Variants in ARGFX observed in about 807,000 individuals in gnomAD.
ARGFX encodes arginine-fifty homeobox.
In ARGFX, 10 loss-of-function variants were observed where a neutral mutation model predicts 8.0. The ratio of observed to expected loss-of-function variants is 1.25; its 90% CI spans 0.77 to 2.12. The LOEUF is 2.12. Among genes scored for constraint, ARGFX ranks in the 30% most tolerant of loss-of-function variants. The pLI, the probability that ARGFX is intolerant of heterozygous loss-of-function variation, is 0.00. For missense variants in ARGFX, 282 were observed against 324.3 expected (o/e 0.87, Z 1.00); for synonymous variants, 116 against 117.8 (o/e 0.98, Z 0.10).
At chr3:121,568,765 G>A (rs1365968938) in intron 1 of ARGFX, among the ~76,000 whole-genome samples, 1 of 152,200 alleles carries the variant, frequency 6.6e-6, no homozygotes, top group Non-Finnish European at 1.5e-5. Context: ...ATGTCTGACG[G>A]TATCCTAATG....
At chr3:121,577,259 A>ATATATTTTTTTTT (rs1403064031) in intron 3 of ARGFX, among the ~76,000 whole-genome samples, 1 of 59,622 alleles carries the variant, frequency 1.7e-5, no homozygotes, top group African/African-American at 6.2e-5. Context: ...ATATATATAT[A>ATATATTTTTTTTT]TTTTTTTTTT....
chr3:121,586,340 A>G lies in ARGFX; in HGVS notation c.688A>G (p.Ile230Val). The G allele has an allele frequency of 6.2e-7, 1 of 1,614,158 alleles. No homozygotes were observed. Among genetic ancestry groups the G allele is most frequent in the Non-Finnish European group, 8.5e-7 (1 of 1,180,026 alleles). Residue 230 changes from isoleucine to valine, a missense_variant, in exon 5 of 5, where the codon ATC becomes GTC. Transcript: ENST00000334384. ...LYSDAYDIFQ[I>V]IELYNLPDEN... is the part of the protein sequence containing the mutation. ...CTCTGATGCCTATGACATATTCCAAATCATAGAACTGTACAATCTTCCTGA... is the reference window on the plus strand; with the variant it reads ...CTCTGATGCCTATGACATATTCCAAGTCATAGAACTGTACAATCTTCCTGA...
intron 2 of ARGFX, among the ~76,000 whole-genome samples, chr3:121,575,378 G>C (rs1320064275): frequency 6.6e-6 from 1 of 151,984 alleles, no homozygotes; most frequent in African/African-American, 2.4e-5. Flanking sequence ...TCTGATCTTG[G>C]CTGGCATCTC....
chr3:121,584,982 CT>C lies in ARGFX; in HGVS notation c.287del (p.Leu96ArgfsTer16), dbSNP rs772298833. ...CCAACAGTATGAGGAGCTAGAAGCT[CT>C]GTTTAGCCAGACCATGTTCCCAGAT... ...THQQYEELEA[L>X]FSQTMFPDRN... On this transcript the variant is annotated frameshift_variant, in exon 4 of 5. Transcript: ENST00000334384. LOFTEE classifies it high-confidence loss of function. 3.3e-5 allele frequency: 53 copies of C among 1,613,898 alleles called. 1 individual carries two copies. In the South Asian group the frequency reaches 5.7e-4, roughly 17 times the overall value.
chr3:121,571,232 G>C (rs2046341329), intron 2 of ARGFX, among the ~76,000 whole-genome samples: 1 of 152,064 alleles, frequency 6.6e-6, no homozygotes, highest in Admixed American at 6.6e-5. Context: ...ATATAAGGTG[G>C]ATCTTAGTGA....
intron 3 of ARGFX, among the ~76,000 whole-genome samples, chr3:121,584,176 T>C (rs1481395974): frequency 7.7e-6 from 1 of 129,516 alleles, no homozygotes; most frequent in East Asian, 2.2e-4. Flanking sequence ...AGACCCCGTC[T>C]CTAAAAAAAG....
At chr3:121,581,896 A>C (rs2048782596) in intron 3 of ARGFX, among the ~76,000 whole-genome samples, 1 of 152,036 alleles carries the variant, frequency 6.6e-6, no homozygotes, top group African/African-American at 2.4e-5. Flanking sequence ...CTGGTGAGGG[A>C]GACTCTGTAA....
chr3:121,587,488 G>A lies in ARGFX; in HGVS notation c.*888G>A, dbSNP rs769735766. ...CAGGAGTGCACCATCGCACCCGGCT[G>A]GGTTATCTAGTTTAAAAACACTTTT... On this transcript the variant is annotated 3_prime_UTR_variant, in exon 5 of 5. Coordinates refer to ENST00000334384, the MANE Select transcript of ARGFX (RefSeq NM_001012659.2). Among the ~76,000 whole-genome samples, 1 of 152,118 alleles carries A rather than the reference G, an allele frequency of 6.6e-6. No individual in the cohort carries two copies. The highest frequency in any genetic ancestry group is 1.5e-5 in the Non-Finnish European group (1 of 68,020).
chr3:121,572,355 C>T (rs61796956), intron 2 of ARGFX, among the ~76,000 whole-genome samples: 19,499 of 151,302 alleles, frequency 0.13, 1,331 homozygotes, highest in African/African-American at 0.14. Context: ...GATTCTCCTG[C>T]CTCAGCCTCC....
intron 3 of ARGFX, among the ~76,000 whole-genome samples, chr3:121,581,212 C>T (rs1166884975): frequency 1.3e-5 from 2 of 152,144 alleles, no homozygotes; most frequent in Non-Finnish European, 2.9e-5. Flanking sequence ...AAGTGGTCTG[C>T]CCAAAGTGCT....
In ARGFX at chr3:121,570,815, CAGTG is replaced by C. The variant is rs1351355743; in HGVS notation, c.103+3_103+6del. 2 of 1,589,398 alleles carry C rather than the reference CAGTG, an allele frequency of 1.3e-6. No individual in the cohort carries two copies. The highest frequency in any genetic ancestry group is 2.3e-5 in the South Asian group (2 of 87,022). On this transcript the variant is annotated splice_donor_variant and splice_donor_region_variant and coding_sequence_variant and intron_variant, in exon 2 of 5. Transcript: ENST00000334384. LOFTEE classifies it high-confidence loss of function. ...TACCACCACAGGATCCAGCTAGTCC[CAGTG>C]AGTATCATCCTTCTTTGTCCTCTTT...
chr3:121,570,681 C>T (rs1478228096), intron 1 of ARGFX, 21 bp from the exon 2 acceptor site: 1 of 1,508,268 alleles, frequency 6.6e-7, no homozygotes, highest in East Asian at 2.3e-5. Context: ...CATTCCCTAT[C>T]TCATAGGCCT....
intron 2 of ARGFX, among the ~76,000 whole-genome samples, chr3:121,574,861 G>A (rs773343956): frequency 2.4e-4 from 37 of 152,212 alleles, no homozygotes; most frequent in Admixed American, 7.2e-4. Context: ...CAGCAGAATG[G>A]TAATGTGGAA....
chr3:121,584,408 G>T (rs1429229426), intron 3 of ARGFX, among the ~76,000 whole-genome samples: 1 of 152,064 alleles, frequency 6.6e-6, no homozygotes, highest in African/African-American at 2.4e-5. Flanking sequence ...AAGACATGGG[G>T]TTTATTCCTA....
At chr3:121,575,884 G>C (rs1392393835) in intron 2 of ARGFX, among the ~76,000 whole-genome samples, 1 of 151,234 alleles carries the variant, frequency 6.6e-6, no homozygotes, top group Non-Finnish European at 1.5e-5. Flanking sequence ...TTGCACTCTA[G>C]CCTGGGTGTT....
intron 1 of ARGFX, among the ~76,000 whole-genome samples, chr3:121,568,736 A>G (rs1467945495): frequency 6.6e-6 from 1 of 152,230 alleles, no homozygotes; most frequent in East Asian, 1.9e-4. Context: ...CACATGAATC[A>G]TGTATATGAA....
chr3:121,585,965 C>T (rs924250735), intron 4 of ARGFX, 57 bp from the exon 5 acceptor site: 3 of 1,469,476 alleles, frequency 2.0e-6, no homozygotes, highest in African/African-American at 2.8e-5. Context: ...TCAGGAGAAT[C>T]CTCCAATGCC....
intron 3 of ARGFX, among the ~76,000 whole-genome samples, chr3:121,580,660 A>G (rs2048773458): frequency 7.3e-6 from 1 of 137,458 alleles, no homozygotes; most frequent in African/African-American, 2.7e-5. Flanking sequence ...GTTGGAGTGC[A>G]GTGGTGCGGA....
chr3:121,569,476 C>T (rs969862627), intron 1 of ARGFX, among the ~76,000 whole-genome samples: 2 of 148,632 alleles, frequency 1.3e-5, no homozygotes, highest in Non-Finnish European at 3.0e-5. Context: ...AGCGATTCTT[C>T]TGCCTCAGCC....
Sources: allele counts gnomAD v4.1 joint callset (sites outside exome capture counted in the v4.1 genomes callset), GRCh38; gene constraint gnomAD v4.1.1; transcripts MANE v1.5; gene names NCBI Gene and HGNC (gene_info 2026-07-23, HGNC 2026-07-21).